Variants in FBXO42 observed in about 807,000 individuals in gnomAD.
The protein encoded by FBXO42 is F-box protein 42.
FBXO42 carries 12 observed loss-of-function variants against 71.7 expected under a neutral mutation model. The observed-to-expected ratio is 0.17, with a 90% confidence interval of 0.11 to 0.27. The LOEUF (loss-of-function observed/expected upper bound fraction) is 0.27. Among genes scored for constraint, FBXO42 ranks in the 10% least tolerant of loss-of-function variants. FBXO42 has a pLI of 1.00. For synonymous variants in FBXO42, 325 were observed against 327.5 expected (o/e 0.99, Z 0.08); for missense variants, 707 against 911.9 (o/e 0.78, Z 2.89).
chr1:16,262,171 CAT>C (rs2081721967), intron 4 of FBXO42, among the ~76,000 whole-genome samples: 1 of 152,076 alleles, frequency 6.6e-6, no homozygotes, highest in Admixed American at 6.6e-5. Flanking sequence ...CTACATATTT[CAT>C]ATATATGTGT....
At chr1:16,348,304 T>G (rs2082670340) in intron 1 of FBXO42, among the ~76,000 whole-genome samples, 1 of 151,778 alleles carries the variant, frequency 6.6e-6, no homozygotes, top group Non-Finnish European at 1.5e-5. Flanking sequence ...CTAAATTAAT[T>G]GTACAACAAC....
intron 4 of FBXO42, among the ~76,000 whole-genome samples, chr1:16,282,534 T>C (rs1311826760): frequency 2.4e-5 from 2 of 84,120 alleles, no homozygotes; most frequent in Non-Finnish European, 6.2e-5. Flanking sequence ...CCATTTTCTC[T>C]TTTAAAAAAA....
At position 16,256,771 on chromosome 1, in the gene FBXO42, C is replaced by G. The variant is rs1214609273; in HGVS notation, c.503-12G>C. 4 of 1,613,392 alleles carry G rather than the reference C, an allele frequency of 2.5e-6. No individual in the cohort carries two copies. Among genetic ancestry groups the G allele is most frequent in the Non-Finnish European group, 3.4e-6 (4 of 1,179,588 alleles). On this transcript the variant is annotated splice_polypyrimidine_tract_variant and intron_variant, in intron 4 of 9. Coordinates refer to ENST00000375592, the MANE Select transcript of FBXO42 (RefSeq NM_018994.3). ...GGAAGGATAGGACCCTAGGGAAAGT[C>G]AGTAACACCATGGTTAGCATTCAGG...
intron 2 of FBXO42, among the ~76,000 whole-genome samples, chr1:16,308,006 C>T (rs542306782): frequency 6.6e-5 from 10 of 152,286 alleles, no homozygotes; most frequent in African/African-American, 2.2e-4. Context: ...AGAACAAAGT[C>T]AGAAGATTGA....
chr1:16,304,371 A>G (rs1260072385), intron 3 of FBXO42, among the ~76,000 whole-genome samples: 1 of 149,924 alleles, frequency 6.7e-6, no homozygotes, highest in East Asian at 2.0e-4. Flanking sequence ...AGCCAACTTC[A>G]GCCTCCCAAA....
intron 1 of FBXO42, among the ~76,000 whole-genome samples, chr1:16,321,569 C>G (rs2082409296): frequency 6.6e-6 from 1 of 152,152 alleles, no homozygotes; most frequent in Admixed American, 6.6e-5. Context: ...GTACTGGAAT[C>G]TGAACTCCCT....
intron 1 of FBXO42, among the ~76,000 whole-genome samples, chr1:16,325,106 T>C (rs1052235560): frequency 7.2e-5 from 11 of 151,836 alleles, no homozygotes; most frequent in Non-Finnish European, 1.5e-4. Flanking sequence ...GGCATGGTAG[T>C]GCAAACCTGT....
chr1:16,257,911 C>T (rs2081663284), intron 4 of FBXO42, among the ~76,000 whole-genome samples: 1 of 152,198 alleles, frequency 6.6e-6, no homozygotes, highest in South Asian at 2.1e-4. Flanking sequence ...AAACTCCTGA[C>T]CTCAGGTGAT....
At chr1:16,277,709 G>A (rs1320693371) in intron 4 of FBXO42, among the ~76,000 whole-genome samples, 2 of 144,188 alleles carry the variant, frequency 1.4e-5, no homozygotes, top group Non-Finnish European at 3.0e-5. Context: ...GGGTGACAGA[G>A]CGAGATTCTG....
intron 4 of FBXO42, among the ~76,000 whole-genome samples, chr1:16,278,594 G>A (rs1460857372): frequency 1.3e-5 from 2 of 151,942 alleles, no homozygotes; most frequent in East Asian, 1.9e-4. Context: ...GACATTTCCT[G>A]GTGATATTAC....
At chr1:16,280,408 A>G (rs2081950770) in intron 4 of FBXO42, among the ~76,000 whole-genome samples, 1 of 152,224 alleles carries the variant, frequency 6.6e-6, no homozygotes, top group African/African-American at 2.4e-5. Flanking sequence ...TAGAACAGAA[A>G]AAGGATGTTA....
At chr1:16,291,540 C>T (rs1004913963) in intron 4 of FBXO42, among the ~76,000 whole-genome samples, 2 of 151,972 alleles carry the variant, frequency 1.3e-5, no homozygotes, top group Admixed American at 1.3e-4. Context: ...GCCACCATGC[C>T]CTGCTAATTT....
intron 1 of FBXO42, among the ~76,000 whole-genome samples, chr1:16,339,796 TA>T (rs1339357616): frequency 6.6e-6 from 1 of 152,092 alleles, no homozygotes; most frequent in African/African-American, 2.4e-5. Context: ...CACCTGATCA[TA>T]AAAATCACCT....
chr1:16,269,044 C>CAG (rs1412506418), intron 4 of FBXO42, among the ~76,000 whole-genome samples: 1 of 148,448 alleles, frequency 6.7e-6, no homozygotes, highest in Non-Finnish European at 1.5e-5. Context: ...CTCCTGACCT[C>CAG]GTGATCCACC....
At chr1:16,293,231 C>T (rs2100528182) in intron 4 of FBXO42, 1 of 152,306 alleles carries the variant, frequency 6.6e-6, no homozygotes, top group South Asian at 2.1e-4. Context: ...TGAGATTCTC[C>T]TGCCTCAGCC....
rs386366300 is a variant in FBXO42 at position 16,283,494 on chromosome 1, GTT to G, written c.502+11287_502+11288del. On this transcript the variant is annotated intron_variant, in intron 4 of 9. Coordinates refer to ENST00000375592, the MANE Select transcript of FBXO42 (RefSeq NM_018994.3). Reference sequence around the variant, plus strand: ...TTATAGACTCTTCTAACTGTGGCAAGTTTTTTTTTTTTTTTTTTTTTTTGAGA... The same window carrying G: ...TTATAGACTCTTCTAACTGTGGCAAGTTTTTTTTTTTTTTTTTTTTTGAGA... Among the ~76,000 whole-genome samples the G allele has an allele frequency of 1.5e-3, 125 of 80,976 alleles. 1 individual carries two copies. The highest frequency in any genetic ancestry group is 5.2e-3 in the African/African-American group (117 of 22,472). The allele number at this position is 80,976 out of a possible 152,430, so 53.1% of individuals were successfully genotyped here.
At chr1:16,295,518 G>A (rs1297720351) in intron 3 of FBXO42, among the ~76,000 whole-genome samples, 1 of 152,014 alleles carries the variant, frequency 6.6e-6, no homozygotes, top group South Asian at 2.1e-4. Context: ...AGCCTCCCAA[G>A]TAGCTGGGAT....
intron 1 of FBXO42, among the ~76,000 whole-genome samples, chr1:16,326,039 T>TGTGTGTGG: frequency 6.8e-6 from 1 of 147,350 alleles, no homozygotes; most frequent in African/African-American, 2.4e-5. Context: ...TGTGTGTGTG[T>TGTGTGTGG]GTGTGTGTGT....
At chr1:16,318,454 C>A (rs1322795384) in intron 1 of FBXO42, among the ~76,000 whole-genome samples, 1 of 152,062 alleles carries the variant, frequency 6.6e-6, no homozygotes, top group Admixed American at 6.6e-5. Flanking sequence ...AAGCCATTAT[C>A]AGCAGTTACT....
Sources: gnomAD v4.1 joint callset for allele counts (sites outside exome capture counted in the v4.1 genomes callset) on GRCh38, gnomAD v4.1.1 for gene constraint, MANE v1.5 for transcripts, NCBI Gene and HGNC (gene_info 2026-07-23, HGNC 2026-07-21) for gene names.